Variants in AGBL4 observed in about 807,000 individuals in gnomAD.
AGBL4 encodes cytosolic carboxypeptidase 6.
A neutral mutation model predicts 66.4 loss-of-function variants in AGBL4; 58 were observed. That is an observed-to-expected ratio of 0.87 (90% confidence interval 0.71 to 1.09). The LOEUF (loss-of-function observed/expected upper bound fraction) is 1.09, where lower values mean the gene tolerates loss of function less well. AGBL4 is among the 50% of genes least tolerant of loss of function. The probability of loss-of-function intolerance (pLI) is 0.00; values close to 1 mark genes in which losing one functional copy is unlikely to be tolerated. For synonymous variants in AGBL4, 234 were observed against 222.9 expected (o/e 1.05, Z -0.44); for missense variants, 579 against 631.0 (o/e 0.92, Z 0.88).
intron 1 of AGBL4, among the ~76,000 whole-genome samples, chr1:49,893,992 G>A (rs1313787670): frequency 6.6e-6 from 1 of 152,174 alleles, no homozygotes; most frequent in African/African-American, 2.4e-5. Context: ...GCTCATGTCA[G>A]CCCAAACCCA....
At chr1:48,702,405 C>T (rs1273320366) in intron 6 of AGBL4, among the ~76,000 whole-genome samples, 2 of 152,138 alleles carry the variant, frequency 1.3e-5, no homozygotes, top group Non-Finnish European at 2.9e-5. Flanking sequence ...AATTCTCCTG[C>T]CTCAGCCTCC....
At chr1:49,224,968 C>T (rs1288354191) in intron 4 of AGBL4, among the ~76,000 whole-genome samples, 1 of 152,156 alleles carries the variant, frequency 6.6e-6, no homozygotes, top group African/African-American at 2.4e-5. Context: ...ATGAATACTT[C>T]TCTGTGTACT....
intron 4 of AGBL4, among the ~76,000 whole-genome samples, chr1:49,179,017 C>T (rs1249316029): frequency 1.3e-5 from 2 of 152,132 alleles, no homozygotes; most frequent in Non-Finnish European, 2.9e-5. Context: ...AAAGACTATC[C>T]AGTCATCTTA....
chr1:49,000,302 G>A (rs1356747571), intron 5 of AGBL4, among the ~76,000 whole-genome samples: 1 of 151,986 alleles, frequency 6.6e-6, no homozygotes, highest in Admixed American at 6.6e-5. Context: ...ACTTCCTCAG[G>A]GTGACCTTTA....
chr1:49,232,962 A>G (rs1650439759), intron 4 of AGBL4, among the ~76,000 whole-genome samples: 2 of 152,208 alleles, frequency 1.3e-5, no homozygotes, highest in South Asian at 4.1e-4. Flanking sequence ...TTTGTTTAAA[A>G]GATTTTAATT....
chr1:49,003,704 G>T (rs1661565313), intron 5 of AGBL4, among the ~76,000 whole-genome samples: 1 of 152,078 alleles, frequency 6.6e-6, no homozygotes, highest in Non-Finnish European at 1.5e-5. Context: ...ACTAGACTGG[G>T]TGCTTTCTTT....
intron 1 of AGBL4, among the ~76,000 whole-genome samples, chr1:49,852,938 C>G (rs1162262080): frequency 3.3e-5 from 5 of 151,584 alleles, no homozygotes; most frequent in African/African-American, 1.2e-4. Context: ...CAAAGAAACT[C>G]AAACACACCT....
intron 4 of AGBL4, among the ~76,000 whole-genome samples, chr1:49,180,707 A>G (rs892142497): frequency 1.3e-5 from 2 of 152,208 alleles, no homozygotes; most frequent in Non-Finnish European, 2.9e-5. Flanking sequence ...GGGTGGCAAC[A>G]AGGAGCCAGA....
chr1:49,273,587 A>G (rs1368778935), intron 3 of AGBL4, among the ~76,000 whole-genome samples: 1 of 150,940 alleles, frequency 6.6e-6, no homozygotes, highest in Non-Finnish European at 1.5e-5. Context: ...ATTTAATATT[A>G]ATAATATAAT....
intron 5 of AGBL4, among the ~76,000 whole-genome samples, chr1:49,003,911 G>A (rs1437136249): frequency 6.6e-6 from 1 of 152,130 alleles, no homozygotes; most frequent in Non-Finnish European, 1.5e-5. Context: ...CAAGGCTCTT[G>A]GAGCCAGACA....
chr1:49,952,317 T>C (rs1332702733), intron 1 of AGBL4, among the ~76,000 whole-genome samples: 1 of 151,820 alleles, frequency 6.6e-6, no homozygotes, highest in African/African-American at 2.4e-5. Context: ...TGGGGAATGA[T>C]ACAGTAAACA....
chr1:49,969,423 A>C (rs947008476), intron 1 of AGBL4, among the ~76,000 whole-genome samples: 1 of 152,066 alleles, frequency 6.6e-6, no homozygotes, highest in African/African-American at 2.4e-5. Flanking sequence ...AGTATACAAC[A>C]CAGTATTATT....
At chr1:49,758,378 A>T (rs191960455) in intron 2 of AGBL4, among the ~76,000 whole-genome samples, 1 of 152,232 alleles carries the variant, frequency 6.6e-6, no homozygotes, top group East Asian at 1.9e-4. Flanking sequence ...TACCTAGTGT[A>T]GATATAAGAA....
chr1:49,494,126 A>C (rs927074647), intron 3 of AGBL4, among the ~76,000 whole-genome samples: 3 of 151,822 alleles, frequency 2.0e-5, no homozygotes, highest in Non-Finnish European at 4.4e-5. Flanking sequence ...TTTTCTCATA[A>C]CCCTTACCCA....
At chr1:48,850,830 C>T (rs1021237706) in intron 6 of AGBL4, among the ~76,000 whole-genome samples, 7 of 152,254 alleles carry the variant, frequency 4.6e-5, no homozygotes, top group East Asian at 1.9e-4. Context: ...AACCAGCATC[C>T]GTGATTAGGA....
chr1:49,591,956 T>A (rs1285390151), intron 3 of AGBL4, among the ~76,000 whole-genome samples: 1 of 152,150 alleles, frequency 6.6e-6, no homozygotes, highest in Non-Finnish European at 1.5e-5. Context: ...ATTAAAGACT[T>A]AAATGTAAAA....
chr1:49,769,079 C>T (rs937598702), intron 2 of AGBL4, among the ~76,000 whole-genome samples: 2 of 152,018 alleles, frequency 1.3e-5, no homozygotes, highest in Admixed American at 6.6e-5. Context: ...GATCTTGTGA[C>T]CTCGTGATCT....
intron 3 of AGBL4, chr1:49,257,469 C>G (rs1268688289): frequency 6.5e-6 from 1 of 153,434 alleles, no homozygotes; most frequent in Non-Finnish European, 1.5e-5. Flanking sequence ...ATAGGACTCT[C>G]CTAGCCAGGT....
chr1:48,735,387 A>G (rs1485050769), intron 6 of AGBL4, among the ~76,000 whole-genome samples: 1 of 150,696 alleles, frequency 6.6e-6, no homozygotes, highest in Non-Finnish European at 1.5e-5. Context: ...GGATGGATGG[A>G]GGGAGGGTGG....
Sources: allele counts gnomAD v4.1 joint callset (sites outside exome capture counted in the v4.1 genomes callset), GRCh38; gene constraint gnomAD v4.1.1; transcripts MANE v1.5; gene names NCBI Gene and HGNC (gene_info 2026-07-23, HGNC 2026-07-21).